The following MTUS2 variants were observed in gnomAD, a reference collection of about 807,000 sequenced individuals.
MTUS2 encodes the protein microtubule associated scaffold protein 2, also known as microtubule-associated tumor suppressor candidate 2.
Under a neutral mutation model 114.1 loss-of-function variants are expected in MTUS2, and 40 were observed. The ratio of observed to expected loss-of-function variants is 0.35; its 90% CI spans 0.27 to 0.46. MTUS2 has a LOEUF of 0.46. Among genes scored for constraint, MTUS2 ranks in the 20% least tolerant of loss-of-function variants. MTUS2 has a pLI of 1.00. For synonymous variants in MTUS2, 688 were observed against 672.0 expected, an observed-to-expected ratio of 1.02 and a Z score of -0.37; for missense variants, 1,679 against 1,705.4, an observed-to-expected ratio of 0.98 and a Z score of 0.27.
At chr13:29,464,231 ACT>A (rs1469075162) in intron 9 of MTUS2, among the ~76,000 whole-genome samples, 4 of 152,144 alleles carry the variant, frequency 2.6e-5, no homozygotes, top group African/African-American at 9.7e-5. Context: ...TCACTCTGTG[ACT>A]CTAAGAGATG....
intron 9 of MTUS2, among the ~76,000 whole-genome samples, chr13:29,479,015 T>C (rs968566647): frequency 1.3e-5 from 2 of 152,218 alleles, no homozygotes; most frequent in African/African-American, 4.8e-5. Context: ...TTTAATTAGC[T>C]GCCTCTATAG....
At chr13:29,466,506 G>T (rs1879893896) in intron 9 of MTUS2, among the ~76,000 whole-genome samples, 1 of 152,194 alleles carries the variant, frequency 6.6e-6, no homozygotes, top group Non-Finnish European at 1.5e-5. Context: ...CCTGTTTAAA[G>T]TTAGGTTCTG....
rs984229425 is a variant in MTUS2 at position 29,111,199 on chromosome 13, A to C, written c.2644+10229A>C. 2.6e-5 allele frequency among the ~76,000 whole-genome samples: 4 copies of C among 152,368 alleles called. 1 individual carries two copies. In the Middle Eastern group the frequency reaches 0.01, roughly 389 times the overall value. ...GTAGTTTGGAGAAGGGAAACTGGGC[A>C]TGAGACATCTTGGTTCTTCCAAAAT... On this transcript the variant is annotated intron_variant, in intron 5 of 15. Transcript: ENST00000612955.
chr13:28,828,781 T>C (rs1874452259), intron 1 of MTUS2, among the ~76,000 whole-genome samples: 2 of 151,984 alleles, frequency 1.3e-5, no homozygotes, highest in Non-Finnish European at 2.9e-5. Flanking sequence ...ATGCAAAAAA[T>C]CCATAATGAA....
chr13:29,132,174 CT>C (rs1436675606), intron 5 of MTUS2, among the ~76,000 whole-genome samples: 3 of 152,148 alleles, frequency 2.0e-5, no homozygotes, highest in Non-Finnish European at 2.9e-5. Flanking sequence ...ATATACTTTT[CT>C]TTTTTTATGG....
At chr13:29,219,395 C>G (rs1486822807) in intron 5 of MTUS2, among the ~76,000 whole-genome samples, 1 of 150,520 alleles carries the variant, frequency 6.6e-6, no homozygotes, top group Admixed American at 6.6e-5. Flanking sequence ...GGGTTGGTTC[C>G]AAGTCTTTGC....
chr13:29,306,121 A>G (rs920979915), intron 6 of MTUS2, among the ~76,000 whole-genome samples: 1 of 152,260 alleles, frequency 6.6e-6, no homozygotes, highest in African/African-American at 2.4e-5. Context: ...TAAACTAGGT[A>G]TTGAAGGAAC....
At chr13:29,464,654 G>A (rs1050657753) in intron 9 of MTUS2, among the ~76,000 whole-genome samples, 2 of 152,172 alleles carry the variant, frequency 1.3e-5, no homozygotes, top group Non-Finnish European at 2.9e-5. Context: ...CTTGTTTGAA[G>A]TGCAGACTCT....
At chr13:29,481,849 G>A (rs1035799362) in intron 10 of MTUS2, among the ~76,000 whole-genome samples, 3 of 152,156 alleles carry the variant, frequency 2.0e-5, no homozygotes, top group African/African-American at 7.2e-5. Context: ...AGACCATAGA[G>A]ACTATGAAAC....
chr13:29,222,049 A>G (rs1895929154), intron 5 of MTUS2, among the ~76,000 whole-genome samples: 1 of 152,218 alleles, frequency 6.6e-6, no homozygotes, highest in Non-Finnish European at 1.5e-5. Context: ...CCTAGCTCAA[A>G]CAATCCTCCT....
chr13:28,834,703 T>C (rs1874947598), intron 1 of MTUS2, among the ~76,000 whole-genome samples: 1 of 152,182 alleles, frequency 6.6e-6, no homozygotes, highest in African/African-American at 2.4e-5. Flanking sequence ...AATTGTTTCC[T>C]TCAGAGGATA....
At chr13:29,349,074 A>G (rs867088215) in intron 7 of MTUS2, among the ~76,000 whole-genome samples, 2 of 152,056 alleles carry the variant, frequency 1.3e-5, no homozygotes, top group African/African-American at 2.4e-5. Flanking sequence ...CGTATTTTCT[A>G]TTTAACCCAT....
At chr13:29,106,258 G>GT (rs1474228072) in intron 5 of MTUS2, among the ~76,000 whole-genome samples, 3 of 152,068 alleles carry the variant, frequency 2.0e-5, no homozygotes, top group African/African-American at 4.8e-5. Flanking sequence ...CAAATTCTTC[G>GT]TTTTTTAGTA....
chr13:29,372,554 A>G (rs923886677), intron 8 of MTUS2, among the ~76,000 whole-genome samples: 6 of 152,142 alleles, frequency 3.9e-5, no homozygotes, highest in Admixed American at 1.3e-4. Context: ...ACAGAAGAAC[A>G]TCCACCATGC....
chr13:28,903,920 C>A (rs910114869), intron 2 of MTUS2, among the ~76,000 whole-genome samples: 4 of 152,138 alleles, frequency 2.6e-5, no homozygotes, highest in Non-Finnish European at 5.9e-5. Flanking sequence ...CTCTCCAACA[C>A]CTGGTGTTTC....
At chr13:29,118,496 C>T (rs1891178632) in intron 5 of MTUS2, among the ~76,000 whole-genome samples, 1 of 152,092 alleles carries the variant, frequency 6.6e-6, no homozygotes, top group East Asian at 1.9e-4. Context: ...TTGTTGAAGT[C>T]CTACAACATA....
intron 6 of MTUS2, among the ~76,000 whole-genome samples, chr13:29,311,234 A>G (rs2139642303): frequency 6.6e-6 from 1 of 152,298 alleles, no homozygotes; most frequent in East Asian, 1.9e-4. Context: ...CATGATCACT[A>G]CAGACTTCTT....
At chr13:29,471,579 G>A (rs1880302032) in intron 9 of MTUS2, among the ~76,000 whole-genome samples, 1 of 152,148 alleles carries the variant, frequency 6.6e-6, no homozygotes, top group African/African-American at 2.4e-5. Context: ...CAGGTAAAGA[G>A]ATGTGTTGCA....
intron 7 of MTUS2, among the ~76,000 whole-genome samples, chr13:29,350,964 T>TGCC (rs199523146): frequency 0.034 from 705 of 20,930 alleles, 22 homozygotes; most frequent in African/African-American, 0.058. Flanking sequence ...ATATTTCATA[T>TGCC]ATATATATAT....
Sources: allele counts gnomAD v4.1 joint callset (sites outside exome capture counted in the v4.1 genomes callset), GRCh38; gene constraint gnomAD v4.1.1; transcripts MANE v1.5; gene names NCBI Gene and HGNC (gene_info 2026-07-23, HGNC 2026-07-21).